RMND1: variants seen among roughly 807,000 people sequenced by gnomAD.
The protein encoded by RMND1 is required for meiotic nuclear division 1 homolog.
Under a neutral mutation model 54.0 loss-of-function variants are expected in RMND1, and 41 were observed. That is an observed-to-expected ratio of 0.76 (90% CI 0.59 to 0.98). RMND1 has a LOEUF of 0.98. RMND1 is among the 50% of genes least tolerant of loss of function. RMND1 has a pLI of 0.00. For missense variants in RMND1, 457 were observed against 532.0 expected, an observed-to-expected ratio of 0.86 and a Z score of 1.39; for synonymous variants, 183 against 181.7, an observed-to-expected ratio of 1.01 and a Z score of -0.06.
At chr6:151,426,293 C>T (rs1022015730) in intron 6 of RMND1, among the ~76,000 whole-genome samples, 2 of 152,174 alleles carry the variant, frequency 1.3e-5, no homozygotes, top group Non-Finnish European at 2.9e-5. Context: ...TTTCACTAGA[C>T]AGGTAACTCC....
At chr6:151,434,961 G>C (rs1261701180) in intron 3 of RMND1, among the ~76,000 whole-genome samples, 2 of 152,012 alleles carry the variant, frequency 1.3e-5, no homozygotes, top group Non-Finnish European at 2.9e-5. Flanking sequence ...TGATTGTCCT[G>C]CCTCAGCCTC....
intron 3 of RMND1, 197 bp downstream of exon 3, chr6:151,436,249 T>C (rs1183887216): frequency 1.8e-6 from 1 of 561,776 alleles, no homozygotes; most frequent in Non-Finnish European, 3.1e-6. Context: ...TAAATCATAC[T>C]GATTTTAATG....
intron 2 of RMND1, among the ~76,000 whole-genome samples, chr6:151,438,071 C>T (rs188730102): frequency 1.1e-4 from 16 of 152,206 alleles, no homozygotes; most frequent in East Asian, 3.9e-4. Context: ...AGTAGGAACA[C>T]GGGGATATAC....
chr6:151,418,358 G>A (rs1422919769), intron 9 of RMND1, among the ~76,000 whole-genome samples: 1 of 152,048 alleles, frequency 6.6e-6, no homozygotes, highest in Non-Finnish European at 1.5e-5. Context: ...AGGCTGCAGT[G>A]AGCCAAGACT....
intron 3 of RMND1, among the ~76,000 whole-genome samples, chr6:151,434,509 G>T (rs1156639399): frequency 1.3e-5 from 2 of 151,908 alleles, no homozygotes; most frequent in African/African-American, 2.4e-5. Context: ...AACAACCCAG[G>T]GCAGTGAAGC....
Position 151,404,935 on chromosome 6 carries a change from C to A in RMND1, c.*300G>T, listed in dbSNP as rs1284883303. ...CCTGGCTGGAGTGCAGTGGTGTGAT[C>A]TTAGCTCACTGCAACCTCCGCCTCC... On this transcript the variant is annotated 3_prime_UTR_variant, in exon 12 of 12. Coordinates refer to ENST00000444024, the MANE Select transcript of RMND1 (RefSeq NM_017909.4). 1 of 299,528 alleles carries A rather than the reference C, an allele frequency of 3.3e-6. No individual in the cohort carries two copies. The highest frequency in any genetic ancestry group is 6.2e-6 in the Non-Finnish European group (1 of 161,650). The allele number at this position is 299,528 out of a possible 1,614,324, so 18.6% of individuals were successfully genotyped here.
chr6:151,449,226 G>A (rs1047194192), intron 1 of RMND1, among the ~76,000 whole-genome samples: 6 of 151,966 alleles, frequency 3.9e-5, no homozygotes, highest in Admixed American at 1.3e-4. Flanking sequence ...AAAATTAGCT[G>A]AGCGTGGCGG....
At chr6:151,419,959 C>T (rs897505421) in intron 9 of RMND1, among the ~76,000 whole-genome samples, 1 of 145,604 alleles carries the variant, frequency 6.9e-6, no homozygotes, top group Non-Finnish European at 1.5e-5. Flanking sequence ...GGATCATACC[C>T]TATATAAATT....
At chr6:151,444,414 CA>C (rs2114969803) in intron 2 of RMND1, 1 of 152,318 alleles carries the variant, frequency 6.6e-6, no homozygotes, top group Non-Finnish European at 1.5e-5. Flanking sequence ...AAAAACCATT[CA>C]TTCATTGCTA....
At chr6:151,450,534 G>T (rs866803574) in intron 1 of RMND1, among the ~76,000 whole-genome samples, 162 of 143,232 alleles carry the variant, frequency 1.1e-3, no homozygotes, top group African/African-American at 3.7e-3. Context: ...GGAGGTGGGG[G>T]GTCAGCCCCC....
intron 9 of RMND1, among the ~76,000 whole-genome samples, chr6:151,419,879 C>T (rs1325684006): frequency 6.6e-6 from 1 of 151,938 alleles, no homozygotes; most frequent in East Asian, 1.9e-4. Flanking sequence ...CATGTGTGTG[C>T]AAGCAAACAC....
chr6:151,419,177 G>A (rs973362044), intron 9 of RMND1, among the ~76,000 whole-genome samples: 1 of 151,934 alleles, frequency 6.6e-6, no homozygotes, highest in Non-Finnish European at 1.5e-5. Context: ...CAATTCTCAT[G>A]CCTCAGCCTC....
rs925894605 is a variant in RMND1, at chr6:151,419,434, A to G, written c.1079+1811T>C. Among the ~76,000 whole-genome samples, 7 of 152,110 alleles carry G rather than the reference A, an allele frequency of 4.6e-5. No homozygotes were observed. In the South Asian group the frequency reaches 1.2e-3, roughly 27 times the overall value. On this transcript the variant is annotated intron_variant, in intron 9 of 11. Transcript: ENST00000444024. ...TACACATAAACTGATGTGGTGGCTC[A>G]CACCTGTAATCCCAGCACTTTGGGA...
chr6:151,425,426 G>T (rs762846651), intron 6 of RMND1, among the ~76,000 whole-genome samples: 1 of 103,290 alleles, frequency 9.7e-6, no homozygotes, highest in African/African-American at 3.5e-5. Flanking sequence ...GTACAGTAAC[G>T]TGTGTGTGTG....
chr6:151,411,651 T>G (rs1206019009), intron 10 of RMND1: 1 of 152,146 alleles, frequency 6.6e-6, no homozygotes, highest in Non-Finnish European at 1.5e-5. Flanking sequence ...AATTCCATCT[T>G]GAATACTGAG....
chr6:151,411,963 G>C (rs1779849254), intron 10 of RMND1: 1 of 152,174 alleles, frequency 6.6e-6, no homozygotes, highest in Non-Finnish European at 1.5e-5. Context: ...CCACCTCCTG[G>C]TGTTCACTTT....
chr6:151,448,885 T>C (rs1304385575), intron 1 of RMND1, among the ~76,000 whole-genome samples: 1 of 151,950 alleles, frequency 6.6e-6, no homozygotes, highest in African/African-American at 2.4e-5. Context: ...CAGACCAGCC[T>C]GGCCAACACG....
In RMND1 at chr6:151,417,320, C is replaced by T. The variant is rs372096369; in HGVS notation, c.1159G>A (p.Asp387Asn). 4.3e-6 allele frequency: 7 copies of T among 1,613,628 alleles called. No individual in the cohort carries two copies. The highest frequency in any genetic ancestry group is 2.2e-5 in the South Asian group (2 of 90,990). ...WDRENLEGLYDKTCQFLSIGR... is the reference protein window; with the variant it reads ...WDRENLEGLYNKTCQFLSIGR... Reference sequence around the variant, plus strand: ...ATGCTAAGGAATTGACACGTTTTATCGTAAAGTCCTTCCAGGTTTTCTCTG... The same window carrying T: ...ATGCTAAGGAATTGACACGTTTTATTGTAAAGTCCTTCCAGGTTTTCTCTG... The change falls in exon 10 of 12, where the codon GAT (aspartate) becomes AAT (asparagine). Residue 387 changes from aspartate to asparagine, a missense_variant. Physicochemically the swap from Asp to Asn is conservative, Grantham distance 23 (BLOSUM62 1). Coordinates refer to ENST00000444024, the MANE Select transcript of RMND1 (RefSeq NM_017909.4).
chr6:151,436,714 G>C, intron 2 of RMND1, 160 bp from the exon 3 acceptor site: 1 of 600,216 alleles, frequency 1.7e-6, no homozygotes, highest in Non-Finnish European at 2.7e-6. Context: ...AAGATGAAGA[G>C]AATGAAGTTA....
Sources: gnomAD v4.1 joint callset for allele counts (sites outside exome capture counted in the v4.1 genomes callset) on GRCh38, gnomAD v4.1.1 for gene constraint, MANE v1.5 for transcripts, NCBI Gene and HGNC (gene_info 2026-07-23, HGNC 2026-07-21) for gene names.